DGKB: variants seen among roughly 807,000 people sequenced by gnomAD.
The protein encoded by DGKB is diacylglycerol kinase beta.
In DGKB, 67 loss-of-function variants were observed where a neutral mutation model predicts 114.3. The ratio of observed to expected loss-of-function variants is 0.59; its 90% CI spans 0.48 to 0.72. The LOEUF (loss-of-function observed/expected upper bound fraction) is 0.72. Among genes scored for constraint, DGKB ranks in the 30% least tolerant of loss-of-function variants. The pLI, the probability that DGKB is intolerant of heterozygous loss-of-function variation, is 0.00. For missense variants in DGKB, 907 were observed against 975.2 expected (o/e 0.93, Z 0.93); for synonymous variants, 398 against 323.1 (o/e 1.23, Z -2.49).
chr7:14,235,191 T>G (rs549140131), intron 23 of DGKB, among the ~76,000 whole-genome samples: 3 of 152,080 alleles, frequency 2.0e-5, no homozygotes, highest in Non-Finnish European at 4.4e-5. Context: ...TGACTTGATC[T>G]GAGTACCACA....
intron 1 of DGKB, among the ~76,000 whole-genome samples, chr7:14,856,655 TTG>T (rs143999370): frequency 1.3e-5 from 2 of 151,718 alleles, no homozygotes; most frequent in African/African-American, 2.4e-5. Flanking sequence ...AAAGTATTCA[TTG>T]TGTGTGTGTA....
chr7:14,458,204 A>G (rs1231666693), intron 21 of DGKB, among the ~76,000 whole-genome samples: 2 of 152,240 alleles, frequency 1.3e-5, no homozygotes, highest in African/African-American at 4.8e-5. Flanking sequence ...TGAGGATCAC[A>G]ATAAAATTAG....
chr7:14,276,338 A>G (rs1182908721), intron 23 of DGKB, among the ~76,000 whole-genome samples: 1 of 152,198 alleles, frequency 6.6e-6, no homozygotes, highest in Non-Finnish European at 1.5e-5. Flanking sequence ...ATTTCTTGCT[A>G]TTGTACTTCT....
intron 1 of DGKB, among the ~76,000 whole-genome samples, chr7:14,864,908 T>C (rs1236530031): frequency 1.3e-5 from 2 of 152,200 alleles, no homozygotes; most frequent in Admixed American, 6.5e-5. Context: ...TTCATTCATT[T>C]TCCAGACAGA....
rs1170733197 is a variant in DGKB, at chr7:14,314,722, A to T, written c.2122+23793T>A. ...GAAAACACTCTGCAGGATATTATCC[A>T]GGAGAATTTCCCCAATCTAGCAAGG... On this transcript the variant is annotated intron_variant, in intron 23 of 25. Coordinates refer to ENST00000402815, the MANE Select transcript of DGKB (RefSeq NM_001350709.2). 2.6e-5 allele frequency among the ~76,000 whole-genome samples: 4 copies of T among 152,112 alleles called. No individual in the cohort carries two copies. In the East Asian group the frequency reaches 5.8e-4, roughly 22 times the overall value.
chr7:14,564,783 A>G (rs1438537706), intron 20 of DGKB, among the ~76,000 whole-genome samples: 1 of 151,316 alleles, frequency 6.6e-6, no homozygotes, highest in African/African-American at 2.4e-5. Flanking sequence ...TTACCTGAAC[A>G]TTATATACTT....
chr7:14,572,672 TTGG>T (rs1798574997), intron 20 of DGKB, among the ~76,000 whole-genome samples: 2 of 152,110 alleles, frequency 1.3e-5, no homozygotes, highest in South Asian at 4.1e-4. Flanking sequence ...TGTCCACCAA[TTGG>T]TGAAGGGATA....
intron 4 of DGKB, among the ~76,000 whole-genome samples, chr7:14,745,202 C>T (rs988739541): frequency 6.6e-6 from 1 of 152,172 alleles, no homozygotes; most frequent in African/African-American, 2.4e-5. Flanking sequence ...CTAATAACTC[C>T]GTTTGTCTCT....
intron 21 of DGKB, among the ~76,000 whole-genome samples, chr7:14,454,096 C>T (rs1831927617): frequency 6.6e-6 from 1 of 152,030 alleles, no homozygotes; most frequent in Non-Finnish European, 1.5e-5. Flanking sequence ...TCAAGTCAGC[C>T]TAATTGGAAT....
At chr7:14,821,658 C>T (rs560300324) in intron 2 of DGKB, among the ~76,000 whole-genome samples, 2 of 152,186 alleles carry the variant, frequency 1.3e-5, no homozygotes, top group African/African-American at 2.4e-5. Context: ...CATCCACATA[C>T]GTCTTACAGG....
chr7:14,356,341 C>T (rs1422189291), intron 21 of DGKB, among the ~76,000 whole-genome samples: 3 of 137,654 alleles, frequency 2.2e-5, no homozygotes, highest in Non-Finnish European at 3.1e-5. Context: ...TTTGCTCTTG[C>T]TTCTCTAGTT....
At position 14,340,582 on chromosome 7, in the gene DGKB, A is replaced by G. The variant is rs184524640; in HGVS notation, c.1927-1872T>C. 9.9e-5 allele frequency among the ~76,000 whole-genome samples: 15 copies of G among 151,582 alleles called. No individual in the cohort carries two copies. The East Asian group carries it at 2.2e-3, about 22-fold the overall frequency. On this transcript the variant is annotated intron_variant, in intron 22 of 25. Coordinates refer to ENST00000402815, the MANE Select transcript of DGKB (RefSeq NM_001350709.2). ...AATTAAAATAATTTGATCTTTGACA[A>G]GGATGAAATGTCAAGCAGAAGGGGG...
intron 21 of DGKB, among the ~76,000 whole-genome samples, chr7:14,463,865 T>C (rs1411625636): frequency 6.6e-6 from 1 of 152,152 alleles, no homozygotes; most frequent in Non-Finnish European, 1.5e-5. Context: ...TACCCCAGCC[T>C]TTAAGAAATA....
At chr7:14,461,655 C>T (rs2128870008) in intron 21 of DGKB, among the ~76,000 whole-genome samples, 1 of 152,176 alleles carries the variant, frequency 6.6e-6, no homozygotes, top group Admixed American at 6.5e-5. Flanking sequence ...GACAGATTCA[C>T]AGCCGAATTC....
intron 21 of DGKB, among the ~76,000 whole-genome samples, chr7:14,368,573 C>G (rs1266366854): frequency 4.7e-5 from 7 of 148,728 alleles, no homozygotes; most frequent in South Asian, 2.1e-4. Context: ...GGTATTTTCT[C>G]TGTGTGTGTG....
At chr7:14,675,087 A>T (rs1819617786) in intron 12 of DGKB, among the ~76,000 whole-genome samples, 1 of 152,126 alleles carries the variant, frequency 6.6e-6, no homozygotes. Flanking sequence ...ACTTCCTTAA[A>T]ACTGAGAAAA....
chr7:14,597,380 A>G (rs1802764634), intron 17 of DGKB, among the ~76,000 whole-genome samples: 2 of 152,222 alleles, frequency 1.3e-5, no homozygotes, highest in Admixed American at 1.3e-4. Flanking sequence ...AATGATATGT[A>G]CATAATTGAA....
intron 21 of DGKB, among the ~76,000 whole-genome samples, chr7:14,369,633 T>A (rs1464788655): frequency 6.6e-6 from 1 of 152,222 alleles, no homozygotes; most frequent in Non-Finnish European, 1.5e-5. Flanking sequence ...TGAGATGGTA[T>A]CCCATTGTGG....
At chr7:14,635,609 T>C (rs1241247184) in intron 13 of DGKB, among the ~76,000 whole-genome samples, 2 of 151,598 alleles carry the variant, frequency 1.3e-5, no homozygotes, top group Non-Finnish European at 3.0e-5. Context: ...CACATCCTAT[T>C]GACTATTTTT....
Sources: allele counts gnomAD v4.1 joint callset (sites outside exome capture counted in the v4.1 genomes callset), GRCh38; gene constraint gnomAD v4.1.1; transcripts MANE v1.5; gene names NCBI Gene and HGNC (gene_info 2026-07-23, HGNC 2026-07-21).